Variants in RHD observed in about 807,000 individuals in gnomAD.
RHD encodes Rh blood group D antigen.
In RHD, 16 loss-of-function variants were observed where a neutral mutation model predicts 45.5. The observed-to-expected ratio is 0.35, with a 90% CI of 0.24 to 0.53. RHD has a LOEUF of 0.53. RHD is among the 20% of genes least tolerant of loss of function. RHD has a pLI of 0.92. For synonymous variants in RHD, 131 were observed against 217.5 expected, an observed-to-expected ratio of 0.60 and a Z score of 3.50; for missense variants, 306 against 532.0, an observed-to-expected ratio of 0.58 and a Z score of 4.18.
In RHD at chr1:25,329,087, C is replaced by CT. The variant is rs1644923681; in HGVS notation, c.*166dup. 7.7e-7 allele frequency: 1 copy of CT among 1,293,070 alleles called. No individual in the cohort carries two copies. The highest frequency in any genetic ancestry group is 2.0e-5 in the Admixed American group (1 of 50,886). The allele number at this position is 1,293,070 out of a possible 1,614,324, so 80.1% of individuals were successfully genotyped here. A position where few individuals can be genotyped will look rare whatever the true frequency, so the allele number is the denominator to read the frequency against. ...GGAGTTGAATCCTTTCTCTGCCACT[C>CT]TTTGAGGAGAATCTCACCATTTATT... On this transcript the variant is annotated 3_prime_UTR_variant, in exon 10 of 10. Transcript: ENST00000328664.
At chr1:25,316,761 T>C (rs887148183) in intron 7 of RHD, among the ~76,000 whole-genome samples, 1 of 108,448 alleles carries the variant, frequency 9.2e-6, no homozygotes, top group Non-Finnish European at 2.3e-5. Context: ...TCATTATCCA[T>C]GAGGTGCTGG....
At position 25,287,897 on chromosome 1, in the gene RHD, A is replaced by G. The variant is rs77816088; in HGVS notation, c.336-2744A>G. On this transcript the variant is annotated intron_variant, in intron 2 of 9. Transcript: ENST00000328664. ...GCTACCATGCCCTGCTAATTTTTGT[A>G]TTTTTAGTAGACAAGGGGTTTCACC... Among the ~76,000 whole-genome samples, 282 of 125,424 alleles carry G rather than the reference A, an allele frequency of 2.2e-3. 32 individuals are homozygous for G. In the East Asian group the frequency reaches 0.043, roughly 19 times the overall value. 82.3% of individuals were successfully genotyped at this position (125,424 alleles called of 152,430 possible).
chr1:25,321,373 A>G (rs1644689347), intron 8 of RHD, among the ~76,000 whole-genome samples: 1 of 124,888 alleles, frequency 8.0e-6, no homozygotes, highest in Non-Finnish European at 1.9e-5. Context: ...AAATGTCTAC[A>G]GAATCGGCCA....
chr1:25,290,988 A>AT lies in RHD; in HGVS notation c.486+203dup, dbSNP rs1455083041. Among the ~76,000 whole-genome samples, 2 of 130,270 alleles carry AT rather than the reference A, an allele frequency of 1.5e-5. 1 individual carries two copies. The highest frequency in any genetic ancestry group is 3.6e-5 in the Non-Finnish European group (2 of 55,152). 85.5% of individuals were successfully genotyped at this position (130,270 alleles called of 152,430 possible). On this transcript the variant is annotated intron_variant, in intron 3 of 9. Transcript: ENST00000328664. ...GCAAGATCCTCATCTCTAAAAAGTA[A>AT]TTTTTTCTAAATTATCCAGTTGTGG...
intron 7 of RHD, among the ~76,000 whole-genome samples, chr1:25,308,505 T>C (rs1416369997): frequency 7.6e-6 from 1 of 131,928 alleles, no homozygotes; most frequent in Non-Finnish European, 1.8e-5. Context: ...AGGATTAACT[T>C]AACAAACTGG....
rs1640645436 is a variant in RHD at position 25,273,252 on chromosome 1, C to G, written c.148+557C>G. Among the ~76,000 whole-genome samples, 2 of 127,244 alleles carry G rather than the reference C, an allele frequency of 1.6e-5. 1 individual carries two copies. The highest frequency in any genetic ancestry group is 3.7e-5 in the Non-Finnish European group (2 of 53,932). The allele number at this position is 127,244 out of a possible 152,430, so 83.5% of individuals were successfully genotyped here. On this transcript the variant is annotated intron_variant, in intron 1 of 9. Transcript: ENST00000328664. ...CTAGTCTCAAGCAATCTTCCCACCTCAGCCTCCCAAGAAGCTGGGACCACA... is the reference window on the plus strand; with the variant it reads ...CTAGTCTCAAGCAATCTTCCCACCTGAGCCTCCCAAGAAGCTGGGACCACA...
rs1350632723 is a variant in RHD, at chr1:25,319,864, T to C, written c.1154-2025T>C. Among the ~76,000 whole-genome samples, 11 of 131,888 alleles carry C rather than the reference T, an allele frequency of 8.3e-5. 3 individuals carry two copies. The highest frequency in any genetic ancestry group is 1.6e-4 in the Non-Finnish European group (9 of 55,706). 86.5% of individuals were successfully genotyped at this position (131,888 alleles called of 152,430 possible). Reference sequence around the variant, plus strand: ...AAAGTACACCAGCAGAAGTTAGAAGTGAAAGCAAAGAGCCTAACAGAGGAA... The same window carrying C: ...AAAGTACACCAGCAGAAGTTAGAAGCGAAAGCAAAGAGCCTAACAGAGGAA... On this transcript the variant is annotated intron_variant, in intron 8 of 9. Transcript: ENST00000328664.
rs1181911058 is a variant in RHD at position 25,302,009 on chromosome 1, G to A, written c.801+323G>A. On this transcript the variant is annotated intron_variant, in intron 5 of 9. Transcript: ENST00000328664. ...CCATGAGCGAGAGTCAGCAGCAACAGACTAGACTAGAATTAGCCAGCCTCT... is the reference window on the plus strand; with the variant it reads ...CCATGAGCGAGAGTCAGCAGCAACAAACTAGACTAGAATTAGCCAGCCTCT... 2.3e-5 allele frequency among the ~76,000 whole-genome samples: 3 copies of A among 130,732 alleles called. 1 individual carries two copies. The highest frequency in any genetic ancestry group is 5.5e-5 in the Non-Finnish European group (3 of 54,990). 85.8% of individuals were successfully genotyped at this position (130,732 alleles called of 152,430 possible).
Position 25,323,516 on chromosome 1 carries a change from T to C in RHD, c.1227+1554T>C. Among the ~76,000 whole-genome samples, 2 of 127,110 alleles carry C rather than the reference T, an allele frequency of 1.6e-5. 1 individual carries two copies. 83.4% of individuals were successfully genotyped at this position (127,110 alleles called of 152,430 possible). ...CTCCGCCACCCACACCGTAATGCAG[T>C]GGCACCATCATGGCTCACTGTAGCC... On this transcript the variant is annotated intron_variant, in intron 9 of 9. Coordinates refer to ENST00000328664, the MANE Select transcript of RHD (RefSeq NM_016124.6).
intron 1 of RHD, among the ~76,000 whole-genome samples, chr1:25,278,537 G>T (rs1468501377): frequency 1.5e-5 from 2 of 131,736 alleles, no homozygotes; most frequent in Admixed American, 1.5e-4. Flanking sequence ...GCAGTTTGGG[G>T]TGGGATGGCC....
intron 1 of RHD, among the ~76,000 whole-genome samples, chr1:25,277,820 A>G (rs1316801581): frequency 8.1e-6 from 1 of 123,718 alleles, no homozygotes; most frequent in Admixed American, 7.9e-5. Flanking sequence ...GATTACAGGC[A>G]TGCGCCACCA....
rs556546935 is a variant in RHD, at chr1:25,277,691, T to A, written c.148+4996T>A. 5.1e-4 allele frequency among the ~76,000 whole-genome samples: 66 copies of A among 128,972 alleles called. 5 individuals are homozygous for A. The highest frequency in any genetic ancestry group is 1.7e-3 in the African/African-American group (65 of 37,954). 84.6% of individuals were successfully genotyped at this position (128,972 alleles called of 152,430 possible). A position where few individuals can be genotyped will look rare whatever the true frequency, so the allele number is the denominator to read the frequency against. On this transcript the variant is annotated intron_variant, in intron 1 of 9. Coordinates refer to ENST00000328664, the MANE Select transcript of RHD (RefSeq NM_016124.6). ...AGCTTTTATTATCAAAAGCTTTTTTTTTGAGACAGAGTTTTGCTCTTATTG... is the reference window on the plus strand; with the variant it reads ...AGCTTTTATTATCAAAAGCTTTTTTATTGAGACAGAGTTTTGCTCTTATTG...
chr1:25,276,560 A>G lies in RHD; in HGVS notation c.148+3865A>G, dbSNP rs1198262286. Among the ~76,000 whole-genome samples, 4 of 124,222 alleles carry G rather than the reference A, an allele frequency of 3.2e-5. 1 individual carries two copies. The highest frequency in any genetic ancestry group is 5.6e-5 in the Non-Finnish European group (3 of 53,680). The allele number at this position is 124,222 out of a possible 152,430, so 81.5% of individuals were successfully genotyped here. On this transcript the variant is annotated intron_variant, in intron 1 of 9. Coordinates refer to ENST00000328664, the MANE Select transcript of RHD (RefSeq NM_016124.6). ...AAAAAAAAAAAAAAAAAAAAACTTT[A>G]AAATTTAACCCAGTGTGGTGGCACA...
At chr1:25,312,000 A>C (rs1425359994) in intron 7 of RHD, among the ~76,000 whole-genome samples, 1 of 122,000 alleles carries the variant, frequency 8.2e-6, no homozygotes, top group African/African-American at 2.9e-5. Context: ...TGGTAGAGCT[A>C]TCATAGTGCA....
intron 1 of RHD, among the ~76,000 whole-genome samples, chr1:25,275,629 G>A (rs2124589090): frequency 7.5e-6 from 1 of 132,664 alleles, no homozygotes; most frequent in South Asian, 2.3e-4. Flanking sequence ...TATTTTGTAT[G>A]TTACAATAAA....
At chr1:25,302,608 G>A (rs1321521735) in intron 5 of RHD, among the ~76,000 whole-genome samples, 2 of 129,804 alleles carry the variant, frequency 1.5e-5, no homozygotes, top group African/African-American at 5.3e-5. Context: ...TCCGGTTCTG[G>A]AGCAGTGAAG....
rs1161748447 is a variant in RHD, at chr1:25,306,493, C to T, written c.940-103C>T. 8.2e-6 allele frequency: 9 copies of T among 1,095,994 alleles called. 2 individuals are homozygous for T. Among genetic ancestry groups the T allele is most frequent in the Non-Finnish European group, 1.2e-5 (9 of 727,744 alleles). The allele number at this position is 1,095,994 out of a possible 1,614,324, so 67.9% of individuals were successfully genotyped here. ...GCTTCTTTGAGGTGAGCCTTAGTGC[C>T]CATCCCCCTTTGGTGGCCCCGGATA... On this transcript the variant is annotated intron_variant, in intron 6 of 9. Coordinates refer to ENST00000328664, the MANE Select transcript of RHD (RefSeq NM_016124.6).
At position 25,330,125 on chromosome 1, in the gene RHD, G is replaced by A. The variant is rs1378899644; in HGVS notation, c.*1201G>A. The A allele has an allele frequency of 2.3e-5, 3 of 132,392 alleles. No homozygotes were observed. Among genetic ancestry groups the A allele is most frequent in the Non-Finnish European group, 5.4e-5 (3 of 55,968 alleles). The allele number at this position is 132,392 out of a possible 1,614,324, so 8.2% of individuals were successfully genotyped here. On this transcript the variant is annotated 3_prime_UTR_variant, in exon 10 of 10. Coordinates refer to ENST00000328664, the MANE Select transcript of RHD (RefSeq NM_016124.6). Reference sequence around the variant, plus strand: ...TAAATGCTCTTCTGAAGGCTGATACGACAGCTCTCTGTGCACTGATTGCAT... The same window carrying A: ...TAAATGCTCTTCTGAAGGCTGATACAACAGCTCTCTGTGCACTGATTGCAT...
intron 3 of RHD, among the ~76,000 whole-genome samples, chr1:25,293,596 T>G (rs1199030083): frequency 7.6e-6 from 1 of 131,164 alleles, no homozygotes; most frequent in African/African-American, 2.6e-5. Flanking sequence ...TCAGAAGCAC[T>G]CCAAGCGTTT....
Sources: gnomAD v4.1 joint callset for allele counts (sites outside exome capture counted in the v4.1 genomes callset) on GRCh38, gnomAD v4.1.1 for gene constraint, MANE v1.5 for transcripts, NCBI Gene and HGNC (gene_info 2026-07-23, HGNC 2026-07-21) for gene names.